Variants in RFC1 observed in about 807,000 individuals in gnomAD.
RFC1 encodes the protein A1 140 kDa subunit.
A neutral mutation model predicts 137.4 loss-of-function variants in RFC1; 37 were observed. That is an observed-to-expected ratio of 0.27 (90% CI 0.21 to 0.35). The LOEUF is 0.35. Among genes scored for constraint, RFC1 ranks in the 10% least tolerant of loss-of-function variants. RFC1 has a pLI of 1.00. For synonymous variants in RFC1, 429 were observed against 455.7 expected (o/e 0.94, Z 0.75); for missense variants, 1,205 against 1,358.5 (o/e 0.89, Z 1.78).
At chr4:39,335,214 A>G (rs756369216) in intron 4 of RFC1, among the ~76,000 whole-genome samples, 7 of 152,230 alleles carry the variant, frequency 4.6e-5, no homozygotes, top group Admixed American at 1.3e-4. Context: ...TTTCTTTTCA[A>G]TATTTCCTTG....
rs780132979 is a variant in RFC1, at chr4:39,326,600, G to T, written c.605C>A (p.Ala202Asp). 1 of 1,613,062 alleles carries T rather than the reference G, an allele frequency of 6.2e-7. No individual in the cohort carries two copies. The highest frequency in any genetic ancestry group is 1.7e-5 in the Admixed American group (1 of 60,002). ...ATCAAGCTGTAATTGCTTGGCGATG[G>T]CTTCATCATTTAATCCAGACTCATC... ...NTDESGLNDE[A>D]IAKQLQLDED... Residue 202 changes from alanine to aspartate, a missense_variant, in exon 6 of 25, where the codon GCC becomes GAC. Around this residue, in one of 3 missense-constraint regions of RFC1, gnomAD observed 962 missense variants for 1,035.3 expected, o/e 0.93. Coordinates refer to ENST00000349703, the MANE Select transcript of RFC1 (RefSeq NM_002913.5).
chr4:39,345,568 T>A, intron 2 of RFC1, 92 bp from the exon 3 acceptor site: 1 of 955,860 alleles, frequency 1.0e-6, no homozygotes, highest in Non-Finnish European at 1.6e-6. Flanking sequence ...TCATCCAGGC[T>A]GGAGCGCAGT....
chr4:39,349,109 C>A (rs772664207), intron 2 of RFC1, among the ~76,000 whole-genome samples: 1 of 152,150 alleles, frequency 6.6e-6, no homozygotes, highest in Non-Finnish European at 1.5e-5. Flanking sequence ...TCAAGTATCA[C>A]CCATATCTGA....
chr4:39,310,919 A>C (rs1238497500), intron 12 of RFC1, among the ~76,000 whole-genome samples: 1 of 152,298 alleles, frequency 6.6e-6, no homozygotes, highest in African/African-American at 2.4e-5. Context: ...AAGTGGGTGA[A>C]TCACTTGAGG....
In RFC1 at chr4:39,352,911, T is replaced by C. The variant is rs116012704; in HGVS notation, c.4-1435A>G. ...CTACAACCTACCTCTCTTTATTGCCTGAGAGAAATGCCTATAAAAGTACTT... is the reference window on the plus strand; with the variant it reads ...CTACAACCTACCTCTCTTTATTGCCCGAGAGAAATGCCTATAAAAGTACTT... On this transcript the variant is annotated intron_variant, in intron 1 of 24. Coordinates refer to ENST00000349703, the MANE Select transcript of RFC1 (RefSeq NM_002913.5). 3.8e-3 allele frequency among the ~76,000 whole-genome samples: 573 copies of C among 152,302 alleles called. 3 individuals carry two copies. Among genetic ancestry groups the C allele is most frequent in the African/African-American group, 0.013 (532 of 41,562 alleles).
intron 2 of RFC1, among the ~76,000 whole-genome samples, chr4:39,350,856 T>C (rs942162698): frequency 6.6e-6 from 1 of 152,220 alleles, no homozygotes; most frequent in Non-Finnish European, 1.5e-5. Context: ...ATTTTTGCCT[T>C]AATTTTTTTA....
At position 39,288,770 on chromosome 4, in the gene RFC1, C is replaced by T. The variant is rs751553210; in HGVS notation, c.3435G>A (p.Ser1145=). The T allele has an allele frequency of 1.4e-5, 22 of 1,608,524 alleles. No individual in the cohort carries two copies. The highest frequency in any genetic ancestry group is 9.9e-5 in the South Asian group (9 of 90,818). The change falls in exon 25 of 25, where the codon TCG becomes TCA. Residue 1145 remains serine (S), a synonymous_variant. Coordinates refer to ENST00000349703, the MANE Select transcript of RFC1 (RefSeq NM_002913.5). ...CTAGTGAAAAATGGTTTCATTTCTT[C>T]GAACTTTTTCCTTTTCCTTTTCTGG... ...KEPRKGKGKS[S]KK is the part of the protein sequence containing the mutation.
intron 4 of RFC1, among the ~76,000 whole-genome samples, chr4:39,339,576 T>G (rs1332408523): frequency 2.6e-5 from 4 of 152,178 alleles, no homozygotes; most frequent in Non-Finnish European, 5.9e-5. Context: ...CTTCACCCAT[T>G]TTTAAATTTG....
chr4:39,308,920 T>C lies in RFC1; in HGVS notation c.1601A>G (p.Lys534Arg), dbSNP rs780964610. Residue 534 changes from lysine to arginine, a missense_variant, in exon 13 of 25, where the codon AAA becomes AGA. Lys to Arg is a conservative substitution (Grantham distance 26). This residue lies in a region of RFC1 where 962 missense variants were observed against 1,035.3 expected (regional missense o/e 0.93). Transcript: ENST00000349703. ...SESKKSRPTS[K>R]RDSLAKTIKK... ...TATTGTCTTTGCCAAACTGTCCCTT[T>C]TGGAAGTCGGCCTGCTCTTTTTAGA... The C allele has an allele frequency of 1.4e-5, 22 of 1,614,072 alleles. No homozygotes were observed. In the South Asian group the frequency reaches 2.4e-4, roughly 18 times the overall value.
chr4:39,302,971 C>A, intron 16 of RFC1, 89 bp downstream of exon 16: 1 of 1,452,824 alleles, frequency 6.9e-7, no homozygotes, highest in East Asian at 2.3e-5. Flanking sequence ...AGCAACATGC[C>A]TTAACTGCCC....
intron 1 of RFC1, among the ~76,000 whole-genome samples, chr4:39,353,733 T>G (rs1578170780): frequency 6.6e-6 from 1 of 152,352 alleles, no homozygotes; most frequent in East Asian, 1.9e-4. Context: ...CAATCATGAC[T>G]GTTCTAAGTG....
In RFC1 at chr4:39,320,435, T is replaced by C. The variant is rs980499125; in HGVS notation, c.1043A>G (p.Lys348Arg). 1.9e-6 allele frequency: 3 copies of C among 1,580,922 alleles called. No homozygotes were observed. Among genetic ancestry groups the C allele is most frequent in the Admixed American group, 2.0e-5 (1 of 50,784 alleles). Residue 348 changes from lysine to arginine, a missense_variant, in exon 9 of 25, where the codon AAA becomes AGA. Transcript: ENST00000349703. ...SKRKENAIKL[K>R]GETKTPKKTK... ...TTTCTTAGGAGTTTTTGTCTCTCCT[T>C]TCAATTTAATGGCATTTTCTTTTCT...
intron 22 of RFC1, among the ~76,000 whole-genome samples, chr4:39,294,562 C>T (rs1383229982): frequency 6.6e-6 from 1 of 151,776 alleles, no homozygotes; most frequent in Non-Finnish European, 1.5e-5. Context: ...CCCAACTACT[C>T]AAGAGGCTGA....
At chr4:39,357,288 C>T (rs1442404714) in intron 1 of RFC1, among the ~76,000 whole-genome samples, 3 of 152,176 alleles carry the variant, frequency 2.0e-5, no homozygotes, top group African/African-American at 7.2e-5. Flanking sequence ...ATTTCTACTG[C>T]TGTTGTGGCA....
At chr4:39,361,160 G>A (rs1231182630) in intron 1 of RFC1, among the ~76,000 whole-genome samples, 1 of 152,082 alleles carries the variant, frequency 6.6e-6, no homozygotes, top group South Asian at 2.1e-4. Context: ...AGGCTGAGAC[G>A]GGCAGATTAC....
chr4:39,361,908 G>A (rs766122545), intron 1 of RFC1, among the ~76,000 whole-genome samples: 28 of 151,808 alleles, frequency 1.8e-4, no homozygotes, highest in African/African-American at 5.1e-4. Flanking sequence ...GTGCAGTGGC[G>A]GGCGCCTGTA....
In RFC1 at chr4:39,288,592, C is replaced by G. The variant is rs751732070; in HGVS notation, c.*169G>C. On this transcript the variant is annotated 3_prime_UTR_variant, in exon 25 of 25. Transcript: ENST00000349703. ...ACCTCTATAAGAGGTGTACATAAGC[C>G]TACTGCTCATACCCTTCTAGCCATA... 6.6e-6 allele frequency: 4 copies of G among 601,708 alleles called. No homozygotes were observed. Among genetic ancestry groups the G allele is most frequent in the Non-Finnish European group, 1.2e-5 (4 of 333,276 alleles). The allele number at this position is 601,708 out of a possible 1,614,324, so 37.3% of individuals were successfully genotyped here.
chr4:39,298,366 G>A (rs187911829), intron 21 of RFC1, among the ~76,000 whole-genome samples: 1 of 146,772 alleles, frequency 6.8e-6, no homozygotes, highest in Non-Finnish European at 1.5e-5. Flanking sequence ...TTTGTTTCTT[G>A]TTTTCAAGCA....
chr4:39,360,490 C>T (rs1216831870), intron 1 of RFC1, among the ~76,000 whole-genome samples: 3 of 150,806 alleles, frequency 2.0e-5, no homozygotes, highest in Non-Finnish European at 4.4e-5. Flanking sequence ...GGTGACAGGG[C>T]GAGACTCCAT....
Sources: allele counts gnomAD v4.1 joint callset (sites outside exome capture counted in the v4.1 genomes callset), GRCh38; gene constraint gnomAD v4.1.1; regional missense constraint gnomAD v4.1.1; transcripts MANE v1.5; gene names NCBI Gene and HGNC (gene_info 2026-07-23, HGNC 2026-07-21).